SLC2A14: variants seen among roughly 807,000 people sequenced by gnomAD.
SLC2A14 encodes solute carrier family 2, facilitated glucose transporter member 14.
Under a neutral mutation model 43.0 loss-of-function variants are expected in SLC2A14, and 13 were observed. That is an observed-to-expected ratio of 0.30 (90% CI 0.20 to 0.48). The LOEUF is 0.48. SLC2A14 is among the 20% of genes least tolerant of loss of function. The pLI is 0.99. For missense variants in SLC2A14, 428 were observed against 620.4 expected (o/e 0.69, Z 3.29); for synonymous variants, 190 against 233.8 (o/e 0.81, Z 1.71).
chr12:7,861,358 C>T (rs1392195312), intron 2 of SLC2A14, among the ~76,000 whole-genome samples: 1 of 152,068 alleles, frequency 6.6e-6, no homozygotes, highest in Non-Finnish European at 1.5e-5. Flanking sequence ...GTTTAAGTAG[C>T]TTCCAGGGAT....
At chr12:7,864,422 T>C (rs1944797387) in intron 2 of SLC2A14, among the ~76,000 whole-genome samples, 1 of 152,124 alleles carries the variant, frequency 6.6e-6, no homozygotes, top group Non-Finnish European at 1.5e-5. Context: ...CACTGCAACC[T>C]CCGCCTCCCG....
At chr12:7,859,996 C>T (rs1442339082) in intron 2 of SLC2A14, among the ~76,000 whole-genome samples, 13 of 151,248 alleles carry the variant, frequency 8.6e-5, no homozygotes, top group Admixed American at 8.5e-4. Flanking sequence ...AACCAAAGAG[C>T]TGACACTGCT....
intron 8 of SLC2A14, among the ~76,000 whole-genome samples, chr12:7,820,457 C>T (rs148075634): frequency 6.6e-6 from 1 of 152,184 alleles, no homozygotes; most frequent in African/African-American, 2.4e-5. Flanking sequence ...GGAAATCGGC[C>T]ACCAACCTGT....
chr12:7,848,607 G>A (rs906746144), intron 2 of SLC2A14, among the ~76,000 whole-genome samples: 19 of 150,546 alleles, frequency 1.3e-4, no homozygotes, highest in African/African-American at 4.7e-4. Flanking sequence ...CCAGGCTGGA[G>A]TGCAATGGCG....
At chr12:7,865,590 T>C (rs960126447) in intron 2 of SLC2A14, among the ~76,000 whole-genome samples, 1 of 151,754 alleles carries the variant, frequency 6.6e-6, no homozygotes, top group Non-Finnish European at 1.5e-5. Context: ...AATTAATAAA[T>C]ACTGTATGCA....
At chr12:7,817,751 TATAG>T (rs372370462) in intron 10 of SLC2A14, 76 bp downstream of exon 10, 141 of 1,149,800 alleles carry the variant, frequency 1.2e-4, no homozygotes, top group South Asian at 2.7e-4. Context: ...TATATATATA[TATAG>T]ATAGATAGAT....
Position 7,868,802 on chromosome 12 carries a change from G to A in SLC2A14, c.18+1061C>T, listed in dbSNP as rs762020038. Among the ~76,000 whole-genome samples the A allele has an allele frequency of 4.3e-4, 66 of 152,244 alleles. 1 individual carries two copies. The South Asian group carries it at 0.013, about 30-fold the overall frequency. ...GCAGGTGGATCACCAGAGATCAGGA[G>A]TTCAAGACCAGTCTGGCCAACATGG... On this transcript the variant is annotated intron_variant, in intron 2 of 10. Transcript: ENST00000431042.
At chr12:7,868,988 T>G (rs935064453) in intron 2 of SLC2A14, among the ~76,000 whole-genome samples, 2 of 151,812 alleles carry the variant, frequency 1.3e-5, no homozygotes, top group African/African-American at 4.8e-5. Flanking sequence ...CTACTAAAAA[T>G]ACAAAATTAG....
At chr12:7,817,138 G>A (rs975703496) in intron 10 of SLC2A14, among the ~76,000 whole-genome samples, 12 of 150,616 alleles carry the variant, frequency 8.0e-5, no homozygotes, top group Admixed American at 6.6e-4. Flanking sequence ...TTTTTGAGAC[G>A]GAGTTTCTGT....
In SLC2A14 at chr12:7,828,816, T is replaced by C. The variant is rs1864736656; in HGVS notation, c.564A>G (p.Leu188=). 2 of 1,614,044 alleles carry C rather than the reference T, an allele frequency of 1.2e-6. No homozygotes were observed. The highest frequency in any genetic ancestry group is 2.2e-5 in the South Asian group (2 of 91,090). Residue 188 remains leucine (L), a synonymous_variant, in exon 6 of 11, where the codon CTA becomes CTG. Transcript: ENST00000431042. ...TAGCTGGAAGGATGGTAAAGCCTAATAGCACCGGCCATAGCTCTTCAGACC... is the reference window on the plus strand; with the variant it reads ...TAGCTGGAAGGATGGTAAAGCCTAACAGCACCGGCCATAGCTCTTCAGACC... ...ILGSEELWPV[L]LGFTILPAIL... is the part of the protein sequence containing the mutation.
chr12:7,832,168 A>C (rs1176816809), intron 3 of SLC2A14, among the ~76,000 whole-genome samples: 1 of 152,202 alleles, frequency 6.6e-6, no homozygotes, highest in Admixed American at 6.5e-5. Flanking sequence ...GAATCAAGGG[A>C]ATAAATAGAC....
At chr12:7,866,328 G>A (rs971992179) in intron 2 of SLC2A14, among the ~76,000 whole-genome samples, 3 of 151,494 alleles carry the variant, frequency 2.0e-5, no homozygotes, top group South Asian at 4.2e-4. Flanking sequence ...TTAAGCCAAA[G>A]CCTAATCCAG....
chr12:7,827,073 CTCTTTCTTTCTT>C (rs35677028), intron 7 of SLC2A14, among the ~76,000 whole-genome samples: 3 of 118,102 alleles, frequency 2.5e-5, no homozygotes, highest in African/African-American at 6.8e-5. Flanking sequence ...TTCTCTCTCT[CTCTTTCTTTCTT>C]TCTTTCTTTC....
At chr12:7,862,070 C>T (rs1944593983) in intron 2 of SLC2A14, among the ~76,000 whole-genome samples, 1 of 151,504 alleles carries the variant, frequency 6.6e-6, no homozygotes, top group Non-Finnish European at 1.5e-5. Flanking sequence ...TTGAGACCAG[C>T]TTGACCAACA....
chr12:7,867,425 A>G (rs1944987089), intron 2 of SLC2A14, among the ~76,000 whole-genome samples: 1 of 152,168 alleles, frequency 6.6e-6, no homozygotes, highest in Non-Finnish European at 1.5e-5. Flanking sequence ...GGAGGAAGTA[A>G]CTGTAGATGT....
At chr12:7,829,659 A>C in intron 5 of SLC2A14, 107 bp downstream of exon 5, 1 of 1,460,486 alleles carries the variant, frequency 6.8e-7, no homozygotes, top group Admixed American at 2.2e-5. Context: ...TAAAACTTCC[A>C]TATGTAATTG....
chr12:7,887,791 C>G (rs1284524935), intron 1 of SLC2A14, among the ~76,000 whole-genome samples: 3 of 152,196 alleles, frequency 2.0e-5, no homozygotes, highest in Non-Finnish European at 4.4e-5. Flanking sequence ...ACTGTCATCT[C>G]TGTTGGCACC....
chr12:7,830,189 G>T (rs1222668524), intron 4 of SLC2A14, among the ~76,000 whole-genome samples, 183 bp from the exon 5 acceptor site: 2 of 142,730 alleles, frequency 1.4e-5, no homozygotes, highest in Admixed American at 1.4e-4. Context: ...GTCTCGCTCT[G>T]TTGCCCAGGC....
In SLC2A14 at chr12:7,869,914, A is replaced by G; in HGVS notation, c.-34T>C. The G allele has an allele frequency of 6.5e-7, 1 of 1,529,058 alleles. No individual in the cohort carries two copies. Among genetic ancestry groups the G allele is most frequent in the Non-Finnish European group, 8.8e-7 (1 of 1,141,598 alleles). 94.7% of individuals were successfully genotyped at this position (1,529,058 alleles called of 1,614,324 possible). A position where few individuals can be genotyped will look rare whatever the true frequency, so the allele number is the denominator to read the frequency against. On this transcript the variant is annotated 5_prime_UTR_variant, in exon 2 of 11. Transcript: ENST00000431042. ...TATCCTAGGAATTGACTCCCTCTCCAATTTCTCTTCAAGGTACTGCTTCCT... is the reference window on the plus strand; with the variant it reads ...TATCCTAGGAATTGACTCCCTCTCCGATTTCTCTTCAAGGTACTGCTTCCT...
Sources: allele counts gnomAD v4.1 joint callset (sites outside exome capture counted in the v4.1 genomes callset), GRCh38; gene constraint gnomAD v4.1.1; transcripts MANE v1.5; gene names NCBI Gene and HGNC (gene_info 2026-07-23, HGNC 2026-07-21).